IL1RAPL2: variants seen among roughly 807,000 people sequenced by gnomAD.
The protein encoded by IL1RAPL2 is X-linked interleukin-1 receptor accessory protein-like 2.
In IL1RAPL2, 3 loss-of-function variants were observed where a neutral mutation model predicts 44.1. The ratio of observed to expected loss-of-function variants is 0.07; its 90% confidence interval spans 0.03 to 0.18. The LOEUF (loss-of-function observed/expected upper bound fraction) is 0.18. Among genes scored for constraint, IL1RAPL2 ranks in the 10% least tolerant of loss-of-function variants. The pLI, the probability that IL1RAPL2 is intolerant of heterozygous loss-of-function variation, is 1.00. For missense variants in IL1RAPL2, 391 were observed against 496.4 expected (o/e 0.79, Z 2.02); for synonymous variants, 181 against 178.8 (o/e 1.01, Z -0.10).
chrX:105,740,624 G>T lies in IL1RAPL2; in HGVS notation c.981G>T (p.Ala327=), dbSNP rs752774929. ...IFDSVVEADL[A]NYTCHVENRN... ...ACTCAGTTGTGGAAGCTGACCTGGC[G>T]AATTATACCTGCCATGTTGAAAACC... The change falls in exon 8 of 11, where the codon GCG becomes GCT. Residue 327 remains alanine (A), a synonymous_variant. Coordinates refer to ENST00000372582, the MANE Select transcript of IL1RAPL2 (RefSeq NM_017416.2). 8.3e-7 allele frequency: 1 copy of T among 1,207,378 alleles called. No individual in the cohort carries two copies. Among genetic ancestry groups the T allele is most frequent in the Non-Finnish European group, 1.1e-6 (1 of 892,294 alleles).
chrX:104,947,862 C>G (rs1357679589), intron 2 of IL1RAPL2, among the ~76,000 whole-genome samples: 1 of 111,969 alleles, frequency 8.9e-6, no homozygotes, highest in Non-Finnish European at 1.9e-5. Context: ...ATGCCTCCGG[C>G]TTTCTTCTTT....
At chrX:104,942,164 G>A (rs1925197617) in intron 2 of IL1RAPL2, among the ~76,000 whole-genome samples, 1 of 111,914 alleles carries the variant, frequency 8.9e-6, no homozygotes. Context: ...TTTGGCTTAG[G>A]ATCATCTTGG....
At chrX:104,840,850 TA>T (rs930633743) in intron 2 of IL1RAPL2, among the ~76,000 whole-genome samples, 3 of 106,967 alleles carry the variant, frequency 2.8e-5, no homozygotes, top group African/African-American at 7.3e-5. Context: ...ATTATTTATT[TA>T]TTTTTTTTTT....
At chrX:105,478,463 C>T (rs1300071468) in intron 5 of IL1RAPL2, among the ~76,000 whole-genome samples, 1 of 111,218 alleles carries the variant, frequency 9.0e-6, no homozygotes, top group Non-Finnish European at 1.9e-5. Flanking sequence ...CTTGTTCATT[C>T]AGCCTGTCAT....
At chrX:105,168,506 G>GAA (rs1327294757) in intron 2 of IL1RAPL2, among the ~76,000 whole-genome samples, 4 of 107,257 alleles carry the variant, frequency 3.7e-5, no homozygotes, top group African/African-American at 1.4e-4. Flanking sequence ...GAGAGAGAGA[G>GAA]AAAGAGAGAG....
chrX:105,065,846 A>G (rs2032131297), intron 2 of IL1RAPL2, among the ~76,000 whole-genome samples: 1 of 111,868 alleles, frequency 8.9e-6, no homozygotes, highest in Admixed American at 9.5e-5. Context: ...ACCAAGACAG[A>G]ATACCTAGCT....
chrX:105,077,440 T>A (rs2032325855), intron 2 of IL1RAPL2, among the ~76,000 whole-genome samples: 1 of 111,974 alleles, frequency 8.9e-6, no homozygotes, highest in African/African-American at 3.2e-5. Flanking sequence ...CTTCCCTTTG[T>A]GGGTAACCAG....
At chrX:104,594,474 T>G (rs1256805196) in intron 1 of IL1RAPL2, among the ~76,000 whole-genome samples, 1 of 111,510 alleles carries the variant, frequency 9.0e-6, no homozygotes, top group African/African-American at 3.3e-5. Flanking sequence ...GCTCTCTTAG[T>G]TGTTCAGACC....
intron 2 of IL1RAPL2, among the ~76,000 whole-genome samples, chrX:105,001,614 A>G (rs2030852042): frequency 9.0e-6 from 1 of 111,703 alleles, no homozygotes; most frequent in Non-Finnish European, 1.9e-5. Context: ...TTAAAGCTCA[A>G]ATCAAACAGA....
In IL1RAPL2 at chrX:105,195,540, C is replaced by T. The variant is rs1308678266; in HGVS notation, c.148C>T (p.Arg50Ter). The change falls in exon 3 of 11, where the codon CGA (arginine) becomes TGA (stop). Residue 50 changes from arginine (R) to a stop codon, truncating the protein, a stop_gained. Coordinates refer to ENST00000372582, the MANE Select transcript of IL1RAPL2 (RefSeq NM_017416.2). LOFTEE classifies it high-confidence loss of function. ...CATGGCTTTGGCAGGTGAACCAGTCCGAGTGAAATGTGCCCTTTTCTACAG... is the reference window on the plus strand; with the variant it reads ...CATGGCTTTGGCAGGTGAACCAGTCTGAGTGAAATGTGCCCTTTTCTACAG... Reference protein sequence around the residue: ...TYMALAGEPVRVKCALFYSYI... With the variant: ...TYMALAGEPV The T allele has an allele frequency of 8.3e-7, 1 of 1,209,337 alleles. No individual in the cohort carries two copies. Among genetic ancestry groups the T allele is most frequent in the East Asian group, 3.0e-5 (1 of 33,757 alleles).
chrX:104,796,565 G>A (rs1415457459), intron 2 of IL1RAPL2, among the ~76,000 whole-genome samples: 1 of 111,692 alleles, frequency 9.0e-6, no homozygotes, highest in Non-Finnish European at 1.9e-5. Context: ...CGGTGATGGG[G>A]AAAATGGTAC....
Position 105,740,665 on chromosome X carries a change from A to G in IL1RAPL2, c.1022A>G (p.His341Arg). The G allele has an allele frequency of 2.5e-6, 3 of 1,209,195 alleles. No homozygotes were observed. The highest frequency in any genetic ancestry group is 3.4e-6 in the Non-Finnish European group (3 of 893,753). ...CHVENRNGRKHASVLLRKKDL... is the reference protein window; with the variant it reads ...CHVENRNGRKRASVLLRKKDL... Reference sequence around the variant, plus strand: ...GTTGAAAACCGAAATGGACGGAAACATGCCAGTGTTTTGCTGCGTAAAAAG... The same window carrying G: ...GTTGAAAACCGAAATGGACGGAAACGTGCCAGTGTTTTGCTGCGTAAAAAG... Residue 341 changes from histidine to arginine, a missense_variant, in exon 8 of 11, where the codon CAT (histidine) becomes CGT (arginine). By Grantham distance (29) the His-to-Arg change is conservative. This residue lies in a region of IL1RAPL2 where 159 missense variants were observed against 251.7 expected (regional missense o/e 0.63). Coordinates refer to ENST00000372582, the MANE Select transcript of IL1RAPL2 (RefSeq NM_017416.2).
chrX:105,311,611 TACACAC>T (rs369751919), intron 5 of IL1RAPL2, among the ~76,000 whole-genome samples: 6 of 92,552 alleles, frequency 6.5e-5, no homozygotes, highest in South Asian at 5.2e-4. Flanking sequence ...TATACATACA[TACACAC>T]ACACACACAC....
chrX:105,765,403 G>GTTTCA (rs1344455825), intron 10 of IL1RAPL2: 1 of 111,053 alleles, frequency 9.0e-6, no homozygotes. Context: ...GTGTTTTTTT[G>GTTTCA]TTTCATTTTG....
intron 2 of IL1RAPL2, among the ~76,000 whole-genome samples, chrX:104,755,898 T>C (rs1932332923): frequency 9.0e-6 from 1 of 111,525 alleles, no homozygotes; most frequent in South Asian, 3.7e-4. Flanking sequence ...TACCAAAGAT[T>C]TGCTTTAAGT....
rs201558481 is a variant in IL1RAPL2, at chrX:104,658,937, C to T, written c.24C>T (p.Ala8=). 8.3e-7 allele frequency: 1 copy of T among 1,205,576 alleles called. No individual in the cohort carries two copies. ...GGATGAAGCCACCATTTCTTTTGGC[C>T]CTTGTGGTCTGTTCTGTAGTCAGCA... is the stretch of plus-strand genomic sequence containing the variant. MKPPFLL[A]LVVCSVVSTN... The change falls in exon 2 of 11, where the codon GCC becomes GCT. Residue 8 remains alanine (A), a synonymous_variant. Transcript: ENST00000372582.
intron 2 of IL1RAPL2, among the ~76,000 whole-genome samples, chrX:105,074,168 G>A (rs1185918239): frequency 9.0e-6 from 1 of 111,707 alleles, no homozygotes. Context: ...GGTTTTTATG[G>A]TTTTAGGTCT....
chrX:105,623,207 G>T (rs1245290289), intron 6 of IL1RAPL2, among the ~76,000 whole-genome samples: 1 of 109,818 alleles, frequency 9.1e-6, no homozygotes, highest in East Asian at 2.9e-4. Context: ...GAATATTGAG[G>T]CAATAAACAT....
chrX:104,889,308 G>A (rs1468018543), intron 2 of IL1RAPL2, among the ~76,000 whole-genome samples: 3 of 111,267 alleles, frequency 2.7e-5, no homozygotes, highest in Non-Finnish European at 3.8e-5. Flanking sequence ...GATACAAAAC[G>A]GTGTTTTCTC....
Sources: gnomAD v4.1 joint callset for allele counts (sites outside exome capture counted in the v4.1 genomes callset) on GRCh38, gnomAD v4.1.1 for gene constraint, gnomAD v4.1.1 regional missense constraint, MANE v1.5 for transcripts, NCBI Gene and HGNC (gene_info 2026-07-23, HGNC 2026-07-21) for gene names.